Variants in ELP4 observed in about 807,000 individuals in gnomAD.
ELP4 encodes the protein elongator acetyltransferase complex subunit 4.
ELP4 carries 51 observed loss-of-function variants against 48.9 expected under a neutral mutation model. The observed-to-expected ratio is 1.04, with a 90% CI of 0.83 to 1.32. The LOEUF (loss-of-function observed/expected upper bound fraction) is 1.32. Ranked by LOEUF, ELP4 falls within the 40% of genes most tolerant of loss-of-function variation. The probability of loss-of-function intolerance (pLI) is 0.00; values close to 1 mark genes in which losing one functional copy is unlikely to be tolerated. For missense variants in ELP4, 519 were observed against 514.6 expected, an observed-to-expected ratio of 1.01 and a Z score of -0.08; for synonymous variants, 210 against 189.2, an observed-to-expected ratio of 1.11 and a Z score of -0.90.
At chr11:31,688,712 A>G (rs533078443) in intron 9 of ELP4, among the ~76,000 whole-genome samples, 5 of 152,360 alleles carry the variant, frequency 3.3e-5, no homozygotes, top group African/African-American at 1.2e-4. Flanking sequence ...CAGTATTGCT[A>G]TTATTTTACT....
chr11:31,529,267 A>G (rs1353766050), intron 2 of ELP4, among the ~76,000 whole-genome samples: 1 of 152,168 alleles, frequency 6.6e-6, no homozygotes, highest in African/African-American at 2.4e-5. Flanking sequence ...GAGTTCTCAC[A>G]TACCCACAGT....
intron 9 of ELP4, among the ~76,000 whole-genome samples, chr11:31,724,203 A>T (rs572469963): frequency 6.6e-6 from 1 of 152,274 alleles, no homozygotes; most frequent in East Asian, 1.9e-4. Context: ...GTGCATGCTT[A>T]GGCCCCTCTA....
At chr11:31,651,727 C>T (rs1945323102) in intron 9 of ELP4, 1 of 151,660 alleles carries the variant, frequency 6.6e-6, no homozygotes, top group Admixed American at 6.6e-5. Flanking sequence ...CCATGTGGCA[C>T]CTTTTCCCCA....
Position 31,521,630 on chromosome 11 carries a change from A to G in ELP4, c.259+1539A>G, listed in dbSNP as rs1349767194. 3.3e-5 allele frequency among the ~76,000 whole-genome samples: 5 copies of G among 152,142 alleles called. No individual in the cohort carries two copies. In the East Asian group the frequency reaches 9.6e-4, roughly 29 times the overall value. ...ATTTTCAAATTTCTCAACATGAAGG[A>G]ATCCTTGATAAATTCATGCACAATA... is the stretch of plus-strand genomic sequence containing the variant. On this transcript the variant is annotated intron_variant, in intron 2 of 9. Coordinates refer to ENST00000640961, the MANE Select transcript of ELP4 (RefSeq NM_019040.5).
intron 2 of ELP4, among the ~76,000 whole-genome samples, chr11:31,521,661 C>G (rs1000243218): frequency 6.6e-6 from 1 of 152,010 alleles, no homozygotes; most frequent in African/African-American, 2.4e-5. Flanking sequence ...CAATAAGGAT[C>G]AAAGTTGCAG....
At chr11:31,545,067 A>G (rs1281158884) in intron 3 of ELP4, among the ~76,000 whole-genome samples, 1 of 152,224 alleles carries the variant, frequency 6.6e-6, no homozygotes, top group African/African-American at 2.4e-5. Flanking sequence ...ACAGAGGAGA[A>G]AAAGCAGAGC....
At chr11:31,544,910 T>C (rs905831383) in intron 3 of ELP4, among the ~76,000 whole-genome samples, 1 of 152,070 alleles carries the variant, frequency 6.6e-6, no homozygotes, top group Non-Finnish European at 1.5e-5. Flanking sequence ...AGTGGACCTC[T>C]AGCAAACTCC....
chr11:31,579,189 C>T (rs147988123), intron 3 of ELP4, among the ~76,000 whole-genome samples: 19 of 152,256 alleles, frequency 1.2e-4, no homozygotes, highest in African/African-American at 4.3e-4. Flanking sequence ...AAAAAATGCT[C>T]GTCATCACTG....
intron 9 of ELP4, among the ~76,000 whole-genome samples, chr11:31,781,388 TC>T: frequency 6.6e-6 from 1 of 152,172 alleles, no homozygotes; most frequent in Admixed American, 6.5e-5. Flanking sequence ...AAGGTTTCTT[TC>T]CGTCCTGCTT....
At chr11:31,551,744 C>T (rs1956856361) in intron 3 of ELP4, among the ~76,000 whole-genome samples, 1 of 152,102 alleles carries the variant, frequency 6.6e-6, no homozygotes, top group African/African-American at 2.4e-5. Context: ...AATGGAATTT[C>T]AGTTAGTAAA....
chr11:31,528,908 A>G (rs1402697384), intron 2 of ELP4, among the ~76,000 whole-genome samples: 2 of 152,098 alleles, frequency 1.3e-5, no homozygotes, highest in South Asian at 4.1e-4. Flanking sequence ...TAACTGTTTT[A>G]TTCAGTGTGT....
At chr11:31,764,960 T>C (rs1948012783) in intron 9 of ELP4, among the ~76,000 whole-genome samples, 1 of 152,176 alleles carries the variant, frequency 6.6e-6, no homozygotes, top group Non-Finnish European at 1.5e-5. Flanking sequence ...GACCGCTCTT[T>C]AGTAATTGCA....
intron 9 of ELP4, among the ~76,000 whole-genome samples, chr11:31,752,753 G>C (rs1427942108): frequency 1.3e-5 from 2 of 150,918 alleles, no homozygotes; most frequent in Non-Finnish European, 2.9e-5. Context: ...AGAATGGCAT[G>C]AACCCGGGGG....
chr11:31,746,216 G>A (rs1049276314), intron 9 of ELP4, among the ~76,000 whole-genome samples: 1 of 152,094 alleles, frequency 6.6e-6, no homozygotes, highest in Non-Finnish European at 1.5e-5. Context: ...TAGAATGGCG[G>A]TCATTAAAAA....
intron 9 of ELP4, chr11:31,714,827 TCC>T: frequency 2.5e-6 from 1 of 398,502 alleles, no homozygotes; most frequent in Non-Finnish European, 4.4e-6. Flanking sequence ...TCTGCCTCTC[TCC>T]TTCACTTTTA....
chr11:31,789,911 CCT>C lies in ELP4; in HGVS notation c.*6388_*6389del, dbSNP rs1949208395. Reference sequence around the variant, plus strand: ...ACTGAATTAACACAATATTTCCTTTCCTTTTTTTTTTTTTTTTTTTTTTTACT... The same window carrying C: ...ACTGAATTAACACAATATTTCCTTTCTTTTTTTTTTTTTTTTTTTTTTACT... On this transcript the variant is annotated 3_prime_UTR_variant, in exon 10 of 10. Transcript: ENST00000640961. The C allele has an allele frequency of 3.9e-6, 5 of 1,272,702 alleles. No homozygotes were observed. The highest frequency in any genetic ancestry group is 5.5e-6 in the Non-Finnish European group (5 of 905,090). 78.8% of individuals were successfully genotyped at this position (1,272,702 alleles called of 1,614,324 possible).
At chr11:31,576,961 T>C (rs1957293641) in intron 3 of ELP4, among the ~76,000 whole-genome samples, 2 of 152,000 alleles carry the variant, frequency 1.3e-5, no homozygotes, top group South Asian at 4.2e-4. Context: ...CTGAAGGAGA[T>C]GGAGACACAA....
chr11:31,663,811 G>C (rs556405033), intron 9 of ELP4: 1 of 152,086 alleles, frequency 6.6e-6, no homozygotes, highest in South Asian at 2.1e-4. Flanking sequence ...GGATGCTGTA[G>C]TTGGAATATT....
rs1159765121 is a variant in ELP4, at chr11:31,635,246, T to C, written c.927+2841T>C. Among the ~76,000 whole-genome samples, 3 of 152,032 alleles carry C rather than the reference T, an allele frequency of 2.0e-5. No individual in the cohort carries two copies. In the East Asian group the frequency reaches 5.8e-4, roughly 29 times the overall value. Reference sequence around the variant, plus strand: ...ATGCTTAGAAAGGTAATCAAAGATGTACGAATACATATAACCAGGGCACTG... The same window carrying C: ...ATGCTTAGAAAGGTAATCAAAGATGCACGAATACATATAACCAGGGCACTG... On this transcript the variant is annotated intron_variant, in intron 7 of 9. Coordinates refer to ENST00000640961, the MANE Select transcript of ELP4 (RefSeq NM_019040.5).
Sources: gnomAD v4.1 joint callset for allele counts (sites outside exome capture counted in the v4.1 genomes callset) on GRCh38, gnomAD v4.1.1 for gene constraint, MANE v1.5 for transcripts, NCBI Gene and HGNC (gene_info 2026-07-23, HGNC 2026-07-21) for gene names.